LAMB4: variants seen among roughly 807,000 people sequenced by gnomAD.
LAMB4 encodes laminin subunit beta-4.
LAMB4 carries 196 observed loss-of-function variants against 199.2 expected under a neutral mutation model. That is an observed-to-expected ratio of 0.98 (90% CI 0.88 to 1.11). The LOEUF is 1.11. Among genes scored for constraint, LAMB4 ranks in the 50% least tolerant of loss-of-function variants. The probability of loss-of-function intolerance (pLI) is 0.00; values close to 1 mark genes in which losing one functional copy is unlikely to be tolerated. For synonymous variants in LAMB4, 744 were observed against 770.6 expected (o/e 0.97, Z 0.57); for missense variants, 2,080 against 2,171.2 (o/e 0.96, Z 0.83).
chr7:108,093,871 T>C (rs1420458280), intron 12 of LAMB4, among the ~76,000 whole-genome samples: 3 of 152,214 alleles, frequency 2.0e-5, no homozygotes, highest in Non-Finnish European at 4.4e-5. Context: ...TTGATGTCTT[T>C]GGACACAATG....
In LAMB4 at chr7:108,107,707, G is replaced by C; in HGVS notation, c.515C>G (p.Ser172Cys). 6.2e-7 allele frequency: 1 copy of C among 1,613,856 alleles called. No homozygotes were observed. Among genetic ancestry groups the C allele is most frequent in the Non-Finnish European group, 8.5e-7 (1 of 1,179,872 alleles). The change falls in exon 6 of 34, where the codon TCT (serine) becomes TGT (cysteine). Residue 172 changes from serine (S) to cysteine (C), a missense_variant. Transcript: ENST00000388781. ...DCATSFPNIT[S>C]GQAQGVGDIV... is the part of the protein sequence containing the mutation. ...GTCTCCCACTCCCTGGGCCTGGCCA[G>C]ATGTGATGTTAGGAAAGGAAGTGGC... is the stretch of plus-strand genomic sequence containing the variant.
intron 22 of LAMB4, 85 bp from the exon 23 acceptor site, chr7:108,063,079 G>A: frequency 2.6e-6 from 2 of 756,304 alleles, no homozygotes; most frequent in South Asian, 4.8e-5. Context: ...TTTAGACCTG[G>A]ATGTATCATT....
Position 108,053,913 on chromosome 7 carries a change from A to G in LAMB4, c.3756-1656T>C, listed in dbSNP as rs192169760. 2.6e-5 allele frequency among the ~76,000 whole-genome samples: 4 copies of G among 152,342 alleles called. No homozygotes were observed. The East Asian group carries it at 5.8e-4, about 22-fold the overall frequency. ...TTACAAGTGCTATTGGATTAGCTGT[A>G]TACATTTTGAAGTGGGGATAGTTCA... On this transcript the variant is annotated intron_variant, in intron 25 of 33. Transcript: ENST00000388781.
intron 20 of LAMB4, 123 bp downstream of exon 20, chr7:108,066,246 G>A (rs1584670313): frequency 5.5e-6 from 4 of 733,420 alleles, no homozygotes; most frequent in South Asian, 1.9e-5. Context: ...TGCTCTCCCC[G>A]ACCTATAACA....
chr7:108,061,481 G>A (rs1239052846), intron 23 of LAMB4, among the ~76,000 whole-genome samples: 1 of 152,088 alleles, frequency 6.6e-6, no homozygotes, highest in Non-Finnish European at 1.5e-5. Context: ...GCTCACACCT[G>A]TAATCTTAGC....
intron 13 of LAMB4, among the ~76,000 whole-genome samples, 200 bp downstream of exon 13, chr7:108,092,137 G>A (rs2037431335): frequency 6.6e-6 from 1 of 152,108 alleles, no homozygotes; most frequent in South Asian, 2.1e-4. Context: ...CCAGCTTGTG[G>A]TGGGATACCC....
chr7:108,062,262 C>T (rs1310986409), intron 23 of LAMB4: 1 of 152,136 alleles, frequency 6.6e-6, no homozygotes. Context: ...AGATTTGCTC[C>T]TGGTACACAT....
rs550391325 is a variant in LAMB4 at position 108,076,463 on chromosome 7, A to G, written c.2124+481T>C. On this transcript the variant is annotated intron_variant, in intron 17 of 33. Coordinates refer to ENST00000388781, the MANE Select transcript of LAMB4 (RefSeq NM_007356.3). ...GAGGTGAAAAAAATTGGCCTACAAC[A>G]TTGTATAAGCACTCTGATTTCAATG... 1.2e-4 allele frequency among the ~76,000 whole-genome samples: 19 copies of G among 152,320 alleles called. No homozygotes were observed. The South Asian group carries it at 3.5e-3, about 28-fold the overall frequency.
chr7:108,039,891 C>T (rs982281919), intron 29 of LAMB4, among the ~76,000 whole-genome samples: 1 of 152,216 alleles, frequency 6.6e-6, no homozygotes, highest in Non-Finnish European at 1.5e-5. Context: ...TCCTGTTCAA[C>T]ATAGTATTGG....
chr7:108,035,604 C>CAAAAAAAAAAAAAAAAAA (rs34425857), intron 30 of LAMB4, among the ~76,000 whole-genome samples: 2 of 79,940 alleles, frequency 2.5e-5, no homozygotes, highest in Non-Finnish European at 4.8e-5. Context: ...TAGAGAGTAC[C>CAAAAAAAAAAAAAAAAAA]AAAAAAAAAA....
In LAMB4 at chr7:108,063,980, G is replaced by A. The variant is rs2036254185; in HGVS notation, c.2842C>T (p.Gln948Ter). The change falls in exon 22 of 34, where the codon CAG (glutamine) becomes TAG (stop). Residue 948 changes from glutamine (Q) to a stop codon, truncating the protein, a stop_gained. Transcript: ENST00000388781. LOFTEE classifies it high-confidence loss of function. ...CNCLQGYTGT[Q>*]CGECSTGFYG... ...AAACCAGTAGAGCATTCTCCACACT[G>A]AGTACCTGAAAGAAAGTGGGAGGAA... is the stretch of plus-strand genomic sequence containing the variant. 6.2e-7 allele frequency: 1 copy of A among 1,612,130 alleles called. No individual in the cohort carries two copies.
Position 108,052,217 on chromosome 7 carries a change from AC to A in LAMB4, c.3795del (p.Tyr1266MetfsTer6). On this transcript the variant is annotated frameshift_variant, in exon 26 of 34. Transcript: ENST00000388781. LOFTEE classifies it high-confidence loss of function. The part of the protein sequence containing the change: ...IMQLNEQLKA[V>X]YEFQDLKDTI... ...GTATCTTTCAGATCTTGAAATTCAT[AC>A]ACTGCTTTCAGTTGTTCATTTAGCT... 1 of 1,610,428 alleles carries A rather than the reference AC, an allele frequency of 6.2e-7. No homozygotes were observed. The highest frequency in any genetic ancestry group is 1.1e-5 in the South Asian group (1 of 90,126).
At chr7:108,119,130 T>C (rs2038511865) in intron 2 of LAMB4, among the ~76,000 whole-genome samples, 1 of 152,008 alleles carries the variant, frequency 6.6e-6, no homozygotes, top group Non-Finnish European at 1.5e-5. Flanking sequence ...ATAAAAATAG[T>C]GATAACACCA....
chr7:108,115,068 A>G (rs143184983), intron 3 of LAMB4, among the ~76,000 whole-genome samples: 30 of 152,228 alleles, frequency 2.0e-4, no homozygotes, highest in African/African-American at 5.8e-4. Context: ...TAATGGCAGC[A>G]GGCCCTGATG....
chr7:108,024,238 C>T (rs1304033000), intron 33 of LAMB4, 60 bp from the exon 34 acceptor site: 6 of 964,078 alleles, frequency 6.2e-6, no homozygotes, highest in Non-Finnish European at 8.9e-6. Context: ...TGCTGGATAC[C>T]TACATTATAC....
chr7:108,098,293 A>T, intron 11 of LAMB4, 110 bp downstream of exon 11: 1 of 879,306 alleles, frequency 1.1e-6, no homozygotes, highest in Non-Finnish European at 1.7e-6. Flanking sequence ...AGATTTTGCC[A>T]CTGTACTCCA....
intron 3 of LAMB4, 117 bp downstream of exon 3, chr7:108,115,887 C>T: frequency 9.0e-7 from 1 of 1,114,962 alleles, no homozygotes; most frequent in South Asian, 1.6e-5. Context: ...ACCAGTGTCT[C>T]CATTGTTTAA....
At position 108,101,198 on chromosome 7, in the gene LAMB4, A is replaced by G. The variant is rs191589957; in HGVS notation, c.1180+1846T>C. 1.0e-3 allele frequency among the ~76,000 whole-genome samples: 156 copies of G among 152,304 alleles called. 1 individual carries two copies. Among genetic ancestry groups the G allele is most frequent in the African/African-American group, 3.6e-3 (150 of 41,568 alleles). On this transcript the variant is annotated intron_variant, in intron 10 of 33. Coordinates refer to ENST00000388781, the MANE Select transcript of LAMB4 (RefSeq NM_007356.3). Reference sequence around the variant, plus strand: ...GAGGCAATCTTCCATGGATGCTGGTATCCTGAACGTTCTTGCTAAGTGTGC... The same window carrying G: ...GAGGCAATCTTCCATGGATGCTGGTGTCCTGAACGTTCTTGCTAAGTGTGC...
rs527605759 is a variant in LAMB4 at position 108,082,613 on chromosome 7, C to A, written c.1702-2827G>T. Among the ~76,000 whole-genome samples, 6 of 152,220 alleles carry A rather than the reference C, an allele frequency of 3.9e-5. No individual in the cohort carries two copies. In the South Asian group the frequency reaches 1.2e-3, roughly 32 times the overall value. ...TGATGTCACTGGATTTACAGAACCA[C>A]CTATTGATAATTTTCTTCAATTCTT... On this transcript the variant is annotated intron_variant, in intron 14 of 33. Transcript: ENST00000388781.
Sources: gnomAD v4.1 joint callset for allele counts (sites outside exome capture counted in the v4.1 genomes callset) on GRCh38, gnomAD v4.1.1 for gene constraint, MANE v1.5 for transcripts, NCBI Gene and HGNC (gene_info 2026-07-23, HGNC 2026-07-21) for gene names.